The following KCNK2 variants were observed in gnomAD, a reference collection of about 807,000 sequenced individuals.
KCNK2 encodes the protein potassium two pore domain channel subfamily K member 2.
A neutral mutation model predicts 40.5 loss-of-function variants in KCNK2; 21 were observed. That is an observed-to-expected ratio of 0.52 (90% CI 0.37 to 0.75). The LOEUF is 0.75. Among genes scored for constraint, KCNK2 ranks in the 30% least tolerant of loss-of-function variants. The pLI is 0.00. For missense variants in KCNK2, 399 were observed against 531.6 expected, an observed-to-expected ratio of 0.75 and a Z score of 2.45; for synonymous variants, 191 against 202.2, an observed-to-expected ratio of 0.94 and a Z score of 0.47.
At chr1:215,006,792 T>C (rs1487778921) in intron 1 of KCNK2, among the ~76,000 whole-genome samples, 1 of 151,816 alleles carries the variant, frequency 6.6e-6, no homozygotes, top group Non-Finnish European at 1.5e-5. Flanking sequence ...GGTTTAATTT[T>C]ATGAATGTAT....
intron 3 of KCNK2, among the ~76,000 whole-genome samples, chr1:215,156,004 TATC>T (rs1662902627): frequency 6.6e-6 from 1 of 152,150 alleles, no homozygotes; most frequent in Non-Finnish European, 1.5e-5. Flanking sequence ...GTTCTGGAGT[TATC>T]ATTATGAAAA....
At chr1:215,202,093 A>G (rs930258263) in intron 6 of KCNK2, among the ~76,000 whole-genome samples, 1 of 152,206 alleles carries the variant, frequency 6.6e-6, no homozygotes, top group Non-Finnish European at 1.5e-5. Flanking sequence ...TGGGCATATT[A>G]TTCATTGACT....
In KCNK2 at chr1:215,092,019, C is replaced by T. The variant is rs377454213; in HGVS notation, c.357+5341C>T. On this transcript the variant is annotated intron_variant, in intron 2 of 6. Transcript: ENST00000444842. Reference sequence around the variant, plus strand: ...TTTGGTGCAGATAAGTATCCAGCTCCGGCTTACATTTCAAGAGGATTTCCC... The same window carrying T: ...TTTGGTGCAGATAAGTATCCAGCTCTGGCTTACATTTCAAGAGGATTTCCC... 1.2e-3 allele frequency among the ~76,000 whole-genome samples: 181 copies of T among 152,150 alleles called. 8 individuals are homozygous for T. In the South Asian group the frequency reaches 0.036, roughly 30 times the overall value.
chr1:215,019,839 C>T (rs1375694244), intron 1 of KCNK2, among the ~76,000 whole-genome samples: 1 of 152,134 alleles, frequency 6.6e-6, no homozygotes, highest in Non-Finnish European at 1.5e-5. Context: ...TATGCTTTTC[C>T]TCCTTTCTTT....
intron 1 of KCNK2, among the ~76,000 whole-genome samples, chr1:215,044,332 T>A (rs192871516): frequency 6.6e-6 from 1 of 152,186 alleles, no homozygotes; most frequent in Admixed American, 6.5e-5. Flanking sequence ...GGTGAAGAAA[T>A]CTGTTAATTT....
chr1:215,024,353 C>T (rs754022772), intron 1 of KCNK2, among the ~76,000 whole-genome samples: 11 of 152,312 alleles, frequency 7.2e-5, no homozygotes, highest in Admixed American at 3.3e-4. Context: ...GACTCTCATA[C>T]GGTTAGTGCA....
At chr1:215,032,510 T>C (rs1362295604) in intron 1 of KCNK2, among the ~76,000 whole-genome samples, 1 of 152,184 alleles carries the variant, frequency 6.6e-6, no homozygotes, top group East Asian at 1.9e-4. Flanking sequence ...GATTTGAGTT[T>C]CTGATCCATA....
chr1:215,166,067 A>G (rs1663431036), intron 3 of KCNK2, among the ~76,000 whole-genome samples: 1 of 152,332 alleles, frequency 6.6e-6, no homozygotes, highest in African/African-American at 2.4e-5. Context: ...GATATCTAAC[A>G]TCTTAAAAGA....
intron 1 of KCNK2, among the ~76,000 whole-genome samples, chr1:215,037,793 C>A (rs955393418): frequency 3.3e-5 from 5 of 151,666 alleles, no homozygotes; most frequent in African/African-American, 7.3e-5. Flanking sequence ...AGAGTATTTG[C>A]CAATTTTATC....
chr1:215,190,260 A>G (rs1664615090), intron 5 of KCNK2, among the ~76,000 whole-genome samples: 1 of 152,170 alleles, frequency 6.6e-6, no homozygotes, highest in Admixed American at 6.5e-5. Flanking sequence ...CAAGGTAAGG[A>G]GGCTCTTGGT....
chr1:215,236,316 A>T lies in KCNK2; in HGVS notation c.*1171A>T, dbSNP rs1666893912. ...TGGGTGACTTTTGCCAGATGAGAGG[A>T]GGTGGCACAGTGGTGAGTGCAGGGC... On this transcript the variant is annotated 3_prime_UTR_variant, in exon 7 of 7. Transcript: ENST00000444842. 6.6e-6 allele frequency: 1 copy of T among 152,486 alleles called. No homozygotes were observed. Among genetic ancestry groups the T allele is most frequent in the Non-Finnish European group, 1.5e-5 (1 of 68,054 alleles). The allele number at this position is 152,486 out of a possible 1,614,324, so 9.4% of individuals were successfully genotyped here.
intron 5 of KCNK2, among the ~76,000 whole-genome samples, chr1:215,187,334 C>T (rs1664481443): frequency 6.6e-6 from 1 of 152,120 alleles, no homozygotes; most frequent in Admixed American, 6.6e-5. Context: ...TGTTGATTCT[C>T]TACGTTCTGT....
At chr1:215,199,417 G>A (rs1664994006) in intron 6 of KCNK2, among the ~76,000 whole-genome samples, 1 of 152,142 alleles carries the variant, frequency 6.6e-6, no homozygotes, top group African/African-American at 2.4e-5. Context: ...ATAAAACATG[G>A]TATAGCTAAT....
At chr1:215,170,615 T>C (rs535623320) in intron 4 of KCNK2, among the ~76,000 whole-genome samples, 29 of 152,280 alleles carry the variant, frequency 1.9e-4, no homozygotes, top group African/African-American at 6.5e-4. Context: ...GTTTTAGCAC[T>C]AGTCATGATT....
At chr1:215,033,776 T>C (rs1056420048) in intron 1 of KCNK2, among the ~76,000 whole-genome samples, 21 of 152,186 alleles carry the variant, frequency 1.4e-4, no homozygotes, top group African/African-American at 5.1e-4. Context: ...AAATAATTTC[T>C]CCTGAGGGCA....
intron 1 of KCNK2, among the ~76,000 whole-genome samples, chr1:215,063,292 A>G (rs987726169): frequency 5.3e-5 from 8 of 152,202 alleles, no homozygotes; most frequent in Non-Finnish European, 2.9e-5. Flanking sequence ...AGCCACTGGC[A>G]GGTTTTCAGC....
At chr1:215,089,896 G>T (rs956412155) in intron 2 of KCNK2, among the ~76,000 whole-genome samples, 8 of 149,972 alleles carry the variant, frequency 5.3e-5, no homozygotes, top group Non-Finnish European at 8.9e-5. Context: ...GCGTGATCTC[G>T]GCTCACTGCA....
intron 3 of KCNK2, among the ~76,000 whole-genome samples, chr1:215,146,326 A>G (rs7417100): frequency 0.55 from 83,958 of 152,008 alleles, 25,691 homozygotes; most frequent in Non-Finnish European, 0.68. Flanking sequence ...AATGTTTGGT[A>G]GAAGCTCATT....
intron 1 of KCNK2, among the ~76,000 whole-genome samples, chr1:215,024,448 A>G (rs1444409370): frequency 6.6e-6 from 1 of 152,244 alleles, no homozygotes; most frequent in Non-Finnish European, 1.5e-5. Context: ...TCAAGGCTGT[A>G]TAAGCCTATG....
Sources: gnomAD v4.1 joint callset for allele counts (sites outside exome capture counted in the v4.1 genomes callset) on GRCh38, gnomAD v4.1.1 for gene constraint, MANE v1.5 for transcripts, NCBI Gene and HGNC (gene_info 2026-07-23, HGNC 2026-07-21) for gene names.